The following ST6GAL2 variants were observed in gnomAD, a reference collection of about 807,000 sequenced individuals.
ST6GAL2 encodes ST6 beta-galactoside alpha-2,6-sialyltransferase 2.
Under a neutral mutation model 37.5 loss-of-function variants are expected in ST6GAL2, and 24 were observed. The observed-to-expected ratio is 0.64, with a 90% confidence interval of 0.46 to 0.90. ST6GAL2 has a LOEUF of 0.90. Among genes scored for constraint, ST6GAL2 ranks in the 40% least tolerant of loss-of-function variants. The pLI, the probability that ST6GAL2 is intolerant of heterozygous loss-of-function variation, is 0.00. For missense variants in ST6GAL2, 715 were observed against 712.7 expected, an observed-to-expected ratio of 1.00 and a Z score of -0.04; for synonymous variants, 306 against 295.1, an observed-to-expected ratio of 1.04 and a Z score of -0.38.
chr2:106,870,723 C>G (rs950304228), intron 1 of ST6GAL2, among the ~76,000 whole-genome samples: 1 of 152,072 alleles, frequency 6.6e-6, no homozygotes, highest in African/African-American at 2.4e-5. Context: ...CATTAACATT[C>G]CGGAATACAG....
chr2:106,871,653 A>T (rs1013828990), intron 1 of ST6GAL2, among the ~76,000 whole-genome samples: 9 of 152,196 alleles, frequency 5.9e-5, no homozygotes, highest in African/African-American at 2.2e-4. Context: ...GCTAAGACAC[A>T]AACCCACAAA....
intron 5 of ST6GAL2, chr2:106,824,892 G>A (rs1388457579): frequency 6.6e-6 from 1 of 152,182 alleles, no homozygotes; most frequent in Non-Finnish European, 1.5e-5. Flanking sequence ...TCAGTACGGA[G>A]CCTGTGGACT....
chr2:106,820,530 G>A (rs1347732621), intron 5 of ST6GAL2, among the ~76,000 whole-genome samples: 7 of 152,060 alleles, frequency 4.6e-5, no homozygotes, highest in Admixed American at 3.3e-4. Flanking sequence ...AAATAATAAA[G>A]GCTGGAGACT....
Position 106,843,756 on chromosome 2 carries a change from C to T in ST6GAL2, c.222G>A (p.Leu74=), listed in dbSNP as rs1573260998. The change falls in exon 2 of 6, where the codon CTG becomes CTA. Residue 74 remains leucine (L), a synonymous_variant. Coordinates refer to ENST00000409382, the MANE Select transcript of ST6GAL2 (RefSeq NM_001142351.2). ...AAHEPSPPGG[L]DARQALPRAH... ...CGCGGGGCAGCGCCTGGCGTGCGTCCAGGCCCCCAGGCGGGGAGGGCTCAT... is the reference window on the plus strand; with the variant it reads ...CGCGGGGCAGCGCCTGGCGTGCGTCTAGGCCCCCAGGCGGGGAGGGCTCAT... 6.2e-7 allele frequency: 1 copy of T among 1,610,190 alleles called. No individual in the cohort carries two copies. Among genetic ancestry groups the T allele is most frequent in the East Asian group, 2.2e-5 (1 of 44,784 alleles).
chr2:106,822,374 A>C (rs897799355), intron 5 of ST6GAL2, among the ~76,000 whole-genome samples: 3 of 152,186 alleles, frequency 2.0e-5, no homozygotes, highest in African/African-American at 7.2e-5. Flanking sequence ...GAACAATCTG[A>C]AAAAGAAATC....
intron 2 of ST6GAL2, among the ~76,000 whole-genome samples, chr2:106,835,350 G>A (rs1676593656): frequency 6.6e-6 from 1 of 152,108 alleles, no homozygotes; most frequent in Non-Finnish European, 1.5e-5. Flanking sequence ...CTGAGTTCCT[G>A]CTATCTGCTC....
chr2:106,859,142 A>G (rs1677700884), intron 1 of ST6GAL2, among the ~76,000 whole-genome samples: 1 of 152,142 alleles, frequency 6.6e-6, no homozygotes, highest in African/African-American at 2.4e-5. Flanking sequence ...AGTTAGAGGG[A>G]GAATAAAGAA....
At chr2:106,848,195 A>G (rs1677222073) in intron 1 of ST6GAL2, among the ~76,000 whole-genome samples, 1 of 151,878 alleles carries the variant, frequency 6.6e-6, no homozygotes, top group South Asian at 2.1e-4. Flanking sequence ...CATCTGATTG[A>G]TCTTTCTGGT....
chr2:106,868,416 A>G (rs1489543201), intron 1 of ST6GAL2, among the ~76,000 whole-genome samples: 1 of 152,148 alleles, frequency 6.6e-6, no homozygotes, highest in African/African-American at 2.4e-5. Context: ...GCATTCATGC[A>G]CCGCGCATCT....
chr2:106,816,875 C>T (rs545999332), intron 5 of ST6GAL2, among the ~76,000 whole-genome samples: 1 of 151,222 alleles, frequency 6.6e-6, no homozygotes, highest in African/African-American at 2.5e-5. Context: ...CCTCCTCCAT[C>T]CCCCAGCAGG....
intron 2 of ST6GAL2, among the ~76,000 whole-genome samples, chr2:106,836,703 G>A (rs962911691): frequency 6.1e-5 from 9 of 148,310 alleles, no homozygotes; most frequent in South Asian, 2.1e-4. Context: ...ACAGGTGGGC[G>A]GATCATCTGA....
intron 5 of ST6GAL2, among the ~76,000 whole-genome samples, chr2:106,808,961 T>G (rs1236187180): frequency 1.3e-5 from 2 of 152,098 alleles, no homozygotes; most frequent in Non-Finnish European, 2.9e-5. Flanking sequence ...GAGCCAAGAT[T>G]GCACCACTGG....
chr2:106,879,490 C>A (rs567486114), intron 1 of ST6GAL2, among the ~76,000 whole-genome samples: 1 of 152,052 alleles, frequency 6.6e-6, no homozygotes, highest in Non-Finnish European at 1.5e-5. Flanking sequence ...TTGACTCAGG[C>A]CAATTACTTA....
chr2:106,884,620 G>GT (rs1678884663), intron 1 of ST6GAL2, among the ~76,000 whole-genome samples: 1 of 152,094 alleles, frequency 6.6e-6, no homozygotes, highest in Non-Finnish European at 1.5e-5. Context: ...GCTACCATTT[G>GT]TATCTATTGC....
chr2:106,847,852 T>G (rs903149093), intron 1 of ST6GAL2, among the ~76,000 whole-genome samples: 10 of 152,072 alleles, frequency 6.6e-5, no homozygotes, highest in Non-Finnish European at 1.5e-4. Flanking sequence ...AACACATCAG[T>G]GTGTTCATGA....
chr2:106,863,415 T>C (rs10175212), intron 1 of ST6GAL2, among the ~76,000 whole-genome samples: 133,225 of 152,180 alleles, frequency 0.88, 58,458 homozygotes, highest in East Asian at 0.98. Flanking sequence ...GAATGAGGAA[T>C]CTCAAGAACA....
At chr2:106,841,524 T>C (rs1676883897) in intron 2 of ST6GAL2, among the ~76,000 whole-genome samples, 1 of 152,170 alleles carries the variant, frequency 6.6e-6, no homozygotes, top group South Asian at 2.1e-4. Flanking sequence ...CACATATTTG[T>C]CAAATGAATG....
chr2:106,865,705 G>T (rs1169562799), intron 1 of ST6GAL2, among the ~76,000 whole-genome samples: 3 of 152,180 alleles, frequency 2.0e-5, no homozygotes, highest in Non-Finnish European at 4.4e-5. Flanking sequence ...AGACATGTGT[G>T]ACACTCTCAC....
At chr2:106,819,921 G>A (rs952401526) in intron 5 of ST6GAL2, among the ~76,000 whole-genome samples, 1 of 151,898 alleles carries the variant, frequency 6.6e-6, no homozygotes, top group Non-Finnish European at 1.5e-5. Flanking sequence ...ATGAATTGAA[G>A]ATATTATTTG....
Sources: allele counts gnomAD v4.1 joint callset (sites outside exome capture counted in the v4.1 genomes callset), GRCh38; gene constraint gnomAD v4.1.1; transcripts MANE v1.5; gene names NCBI Gene and HGNC (gene_info 2026-07-23, HGNC 2026-07-21).